Variants in UGGT2 observed in about 807,000 individuals in gnomAD.
The protein encoded by UGGT2 is UDP-glucose glycoprotein glucosyltransferase 2.
In UGGT2, 180 loss-of-function variants were observed where a neutral mutation model predicts 192.1. The ratio of observed to expected loss-of-function variants is 0.94; its 90% CI spans 0.83 to 1.06. The LOEUF (loss-of-function observed/expected upper bound fraction) is 1.06, where lower values mean the gene tolerates loss of function less well. Among genes scored for constraint, UGGT2 ranks in the 50% least tolerant of loss-of-function variants. The pLI is 0.00. For missense variants in UGGT2, 1,849 were observed against 1,795.7 expected (o/e 1.03, Z -0.54); for synonymous variants, 580 against 591.0 (o/e 0.98, Z 0.27).
chr13:95,962,118 C>T (rs1157809291), intron 12 of UGGT2, among the ~76,000 whole-genome samples: 2 of 151,900 alleles, frequency 1.3e-5, no homozygotes, highest in Non-Finnish European at 2.9e-5. Context: ...GCAGTAAGCT[C>T]TTATATCAAA....
chr13:95,870,449 G>A (rs951680153), intron 29 of UGGT2, among the ~76,000 whole-genome samples: 14 of 152,168 alleles, frequency 9.2e-5, no homozygotes, highest in African/African-American at 2.9e-4. Flanking sequence ...GTCAAGCACC[G>A]TCATGGAGAC....
At chr13:95,949,047 G>GT (rs1166861713) in intron 13 of UGGT2, among the ~76,000 whole-genome samples, 1 of 152,098 alleles carries the variant, frequency 6.6e-6, no homozygotes, top group Non-Finnish European at 1.5e-5. Flanking sequence ...TGCCATGACT[G>GT]TAAGTTTCCT....
intron 38 of UGGT2, among the ~76,000 whole-genome samples, chr13:95,825,418 C>T (rs947315072): frequency 1.5e-4 from 23 of 152,108 alleles, no homozygotes; most frequent in Non-Finnish European, 2.8e-4. Context: ...AGCTTCCTTG[C>T]CAGGCCAAGC....
chr13:95,842,646 T>C lies in UGGT2; in HGVS notation c.4285-5444A>G, dbSNP rs187647632. On this transcript the variant is annotated intron_variant, in intron 36 of 38. Coordinates refer to ENST00000376747, the MANE Select transcript of UGGT2 (RefSeq NM_020121.4). ...TGGGATGTCAATTCTGAGACTAGAC[T>C]ATAACAGACTGTGACTTTCATTTTG... is the stretch of plus-strand genomic sequence containing the variant. Among the ~76,000 whole-genome samples the C allele has an allele frequency of 2.4e-3, 358 of 152,318 alleles. 1 individual carries two copies. Among genetic ancestry groups the C allele is most frequent in the African/African-American group, 8.3e-3 (346 of 41,572 alleles).
intron 36 of UGGT2, among the ~76,000 whole-genome samples, chr13:95,850,415 T>G (rs1387995863): frequency 2.6e-5 from 4 of 152,202 alleles, no homozygotes; most frequent in African/African-American, 9.7e-5. Context: ...GTTAGGACCT[T>G]TGGATACTTC....
intron 10 of UGGT2, among the ~76,000 whole-genome samples, chr13:95,980,922 C>CGGGAGGCAGAGGCTGCA (rs2051102170): frequency 6.6e-6 from 1 of 152,096 alleles, no homozygotes; most frequent in South Asian, 2.1e-4. Context: ...TGCTGGAACC[C>CGGGAGGCAGAGGCTGCA]GGGAGGCAGA....
intron 36 of UGGT2, among the ~76,000 whole-genome samples, chr13:95,842,550 G>A (rs571646521): frequency 3.9e-5 from 6 of 151,902 alleles, no homozygotes; most frequent in East Asian, 3.9e-4. Flanking sequence ...CCATTCTCTC[G>A]TGCAATTCCT....
At chr13:95,997,403 T>C (rs1249031444) in intron 6 of UGGT2, among the ~76,000 whole-genome samples, 1 of 151,998 alleles carries the variant, frequency 6.6e-6, no homozygotes, top group African/African-American at 2.4e-5. Context: ...ATCCCAACAC[T>C]TTGGGAGGCT....
intron 2 of UGGT2, among the ~76,000 whole-genome samples, chr13:96,029,144 C>A (rs577049352): frequency 1.3e-5 from 2 of 152,038 alleles, no homozygotes; most frequent in African/African-American, 2.4e-5. Flanking sequence ...CAGTGAGACA[C>A]CGTCTCAAAA....
At chr13:95,950,590 AACAGG>A in intron 12 of UGGT2, among the ~76,000 whole-genome samples, 1 of 31,462 alleles carries the variant, frequency 3.2e-5, no homozygotes. Context: ...ATTGAAATGA[AACAGG>A]AAAAAAAAAA....
intron 36 of UGGT2, among the ~76,000 whole-genome samples, chr13:95,844,980 TGA>T (rs2139976877): frequency 1.3e-5 from 2 of 152,294 alleles, no homozygotes; most frequent in African/African-American, 4.8e-5. Context: ...TCTAGTGTGC[TGA>T]GAGTTTTAAA....
At chr13:95,903,082 A>T in intron 20 of UGGT2, 22 bp from the exon 21 acceptor site, 1 of 1,595,620 alleles carries the variant, frequency 6.3e-7, no homozygotes, top group Non-Finnish European at 8.5e-7. Context: ...TTTATAGATT[A>T]AAAAGACCAG....
chr13:96,008,771 G>A (rs1220185505), intron 5 of UGGT2, among the ~76,000 whole-genome samples: 1 of 152,166 alleles, frequency 6.6e-6, no homozygotes, highest in Non-Finnish European at 1.5e-5. Context: ...CTCACAGGCT[G>A]GAAGAATCAA....
intron 36 of UGGT2, among the ~76,000 whole-genome samples, chr13:95,851,543 G>A (rs1364659715): frequency 1.3e-5 from 2 of 152,150 alleles, no homozygotes; most frequent in Non-Finnish European, 2.9e-5. Context: ...AGAAGAACCA[G>A]CAAGGTCTGA....
At chr13:95,965,839 G>A (rs779723976) in intron 12 of UGGT2, among the ~76,000 whole-genome samples, 2 of 151,956 alleles carry the variant, frequency 1.3e-5, no homozygotes, top group African/African-American at 4.8e-5. Context: ...AAAGTGACAC[G>A]GAATATCATT....
chr13:95,878,320 C>T (rs912130334), intron 27 of UGGT2, among the ~76,000 whole-genome samples: 2 of 152,054 alleles, frequency 1.3e-5, no homozygotes, highest in Non-Finnish European at 2.9e-5. Flanking sequence ...AATAAAAATT[C>T]GTTTTCCACT....
At chr13:95,872,596 A>T (rs1891316484) in intron 29 of UGGT2, among the ~76,000 whole-genome samples, 1 of 152,204 alleles carries the variant, frequency 6.6e-6, no homozygotes, top group Non-Finnish European at 1.5e-5. Flanking sequence ...AGCTAGTGAC[A>T]TTAATCATAT....
chr13:96,052,977 G>C (rs76983898), intron 1 of UGGT2, among the ~76,000 whole-genome samples, 178 bp downstream of exon 1: 4,408 of 152,332 alleles, frequency 0.029, 78 homozygotes, highest in Non-Finnish European at 0.034. Flanking sequence ...AGTGCTGCAC[G>C]GGAACCGAGA....
Position 95,837,208 on chromosome 13 carries a change from GA to G in UGGT2, c.4285-7del, listed in dbSNP as rs141888710. 1.8e-3 allele frequency: 2,824 copies of G among 1,591,318 alleles called. 50 individuals are homozygous for G. The African/African-American group carries it at 0.033, about 19-fold the overall frequency. Reference sequence around the variant, plus strand: ...ATCATATTATTGGGGAGATCCTACAGAAAATTGTGATTTAATCATAGACGTA... The same window carrying G: ...ATCATATTATTGGGGAGATCCTACAGAAATTGTGATTTAATCATAGACGTA... On this transcript the variant is annotated splice_region_variant and splice_polypyrimidine_tract_variant and intron_variant, in intron 36 of 38. Transcript: ENST00000376747.
Sources: gnomAD v4.1 joint callset for allele counts (sites outside exome capture counted in the v4.1 genomes callset) on GRCh38, gnomAD v4.1.1 for gene constraint, MANE v1.5 for transcripts, NCBI Gene and HGNC (gene_info 2026-07-23, HGNC 2026-07-21) for gene names.